The following EYA1 variants were observed in gnomAD, a reference collection of about 807,000 sequenced individuals.
The protein encoded by EYA1 is EYA transcriptional coactivator and phosphatase 1.
EYA1 carries 16 observed loss-of-function variants against 82.0 expected under a neutral mutation model. That is an observed-to-expected ratio of 0.20 (90% CI 0.13 to 0.30). EYA1 has a LOEUF of 0.30. EYA1 is among the 10% of genes least tolerant of loss of function. The probability of loss-of-function intolerance (pLI) is 1.00; values close to 1 mark genes in which losing one functional copy is unlikely to be tolerated. For missense variants in EYA1, 633 were observed against 730.7 expected, an observed-to-expected ratio of 0.87 and a Z score of 1.54; for synonymous variants, 261 against 264.4, an observed-to-expected ratio of 0.99 and a Z score of 0.12.
chr8:71,262,190 A>G (rs1345862495), intron 11 of EYA1, among the ~76,000 whole-genome samples: 4 of 152,242 alleles, frequency 2.6e-5, no homozygotes, highest in East Asian at 3.8e-4. Context: ...TCATTGGATA[A>G]TAAGTGTGAG....
intron 2 of EYA1, among the ~76,000 whole-genome samples, chr8:71,491,872 C>T (rs1811020416): frequency 6.6e-6 from 1 of 152,178 alleles, no homozygotes; most frequent in East Asian, 1.9e-4. Flanking sequence ...TGAATATAGC[C>T]AACACAATTA....
chr8:71,380,886 C>T (rs1285748216), intron 2 of EYA1, among the ~76,000 whole-genome samples: 1 of 152,256 alleles, frequency 6.6e-6, no homozygotes, highest in Non-Finnish European at 1.5e-5. Flanking sequence ...CCCTTTACCT[C>T]TCCTGTCCTC....
intron 2 of EYA1, among the ~76,000 whole-genome samples, chr8:71,483,570 C>A (rs980948300): frequency 3.6e-5 from 5 of 140,534 alleles, no homozygotes; most frequent in Admixed American, 2.1e-4. Flanking sequence ...AAAAAAAAAA[C>A]ACCACATTTT....
chr8:71,458,513 G>A (rs1434378940), intron 2 of EYA1, among the ~76,000 whole-genome samples: 1 of 151,846 alleles, frequency 6.6e-6, no homozygotes, highest in Non-Finnish European at 1.5e-5. Flanking sequence ...ACCAAGAACT[G>A]TTGAAAATAC....
intron 2 of EYA1, among the ~76,000 whole-genome samples, chr8:71,463,776 G>T (rs1808584174): frequency 6.6e-6 from 1 of 151,876 alleles, no homozygotes; most frequent in Non-Finnish European, 1.5e-5. Flanking sequence ...AGTTGTCACA[G>T]AACCGTTTCA....
chr8:71,258,808 G>A (rs942091896), intron 11 of EYA1, among the ~76,000 whole-genome samples: 2 of 152,178 alleles, frequency 1.3e-5, no homozygotes, highest in East Asian at 3.8e-4. Context: ...TGTGAAAACT[G>A]TTTTGAAGGC....
rs73684796 is a variant in EYA1 at position 71,392,830 on chromosome 8, G to A, written c.34-36319C>T. Among the ~76,000 whole-genome samples, 1,180 of 152,090 alleles carry A rather than the reference G, an allele frequency of 7.8e-3. 19 individuals carry two copies. The highest frequency in any genetic ancestry group is 0.027 in the African/African-American group (1,123 of 41,498). ...TAAATCATAAGATAATATTTTTAGTGAAATTCAAATCATTTTTTACAATAA... is the reference window on the plus strand; with the variant it reads ...TAAATCATAAGATAATATTTTTAGTAAAATTCAAATCATTTTTTACAATAA... On this transcript the variant is annotated intron_variant, in intron 2 of 18. Coordinates refer to the EYA1 transcript ENST00000643681.
chr8:71,199,548 C>A, intron 17 of EYA1, 128 bp from the exon 18 acceptor site: 2 of 704,234 alleles, frequency 2.8e-6, no homozygotes, highest in Non-Finnish European at 2.6e-6. Context: ...AACATCTTAA[C>A]ATCACATCTG....
intron 2 of EYA1, among the ~76,000 whole-genome samples, chr8:71,409,962 G>A (rs1038749868): frequency 1.4e-5 from 2 of 146,722 alleles, no homozygotes; most frequent in Non-Finnish European, 3.0e-5. Context: ...GAACATTGAT[G>A]CAAAAATCCT....
intron 2 of EYA1, among the ~76,000 whole-genome samples, chr8:71,517,750 T>C (rs1935720114): frequency 1.3e-5 from 2 of 149,050 alleles, no homozygotes; most frequent in African/African-American, 4.9e-5. Flanking sequence ...TATATAACTG[T>C]ATATTCTAAA....
intron 7 of EYA1, among the ~76,000 whole-genome samples, chr8:71,310,224 G>A (rs1821186929): frequency 6.8e-6 from 1 of 147,086 alleles, no homozygotes; most frequent in Non-Finnish European, 1.5e-5. Context: ...TTAAACATAC[G>A]ATGACAATAA....
Position 71,220,660 on chromosome 8 carries a change from T to A in EYA1, c.1141-3637A>T, listed in dbSNP as rs563839464. Reference sequence around the variant, plus strand: ...GCCTTGAAACTAACATTCTAGTTAGTCACAAACGAGAAAATATGTAAAATG... The same window carrying A: ...GCCTTGAAACTAACATTCTAGTTAGACACAAACGAGAAAATATGTAAAATG... On this transcript the variant is annotated intron_variant, in intron 12 of 17. Transcript: ENST00000340726. 1.6e-3 allele frequency among the ~76,000 whole-genome samples: 248 copies of A among 152,336 alleles called. 2 individuals are homozygous for A. Among genetic ancestry groups the A allele is most frequent in the African/African-American group, 5.7e-3 (235 of 41,568 alleles).
intron 2 of EYA1, among the ~76,000 whole-genome samples, chr8:71,373,591 C>T (rs1209749009): frequency 2.0e-5 from 3 of 152,156 alleles, no homozygotes; most frequent in Non-Finnish European, 4.4e-5. Context: ...CAATGTGATT[C>T]CTGTCAAAAT....
In EYA1 at chr8:71,379,073, C is replaced by T. The variant is rs140457999; in HGVS notation, c.34-22562G>A. ...ACCTACTACAGTAGAGAGAAGAATG[C>T]CTAGGTCTTCAGTGGGTACATGAAA... is the stretch of plus-strand genomic sequence containing the variant. On this transcript the variant is annotated intron_variant, in intron 2 of 18. Coordinates refer to the EYA1 transcript ENST00000643681. 4.1e-4 allele frequency among the ~76,000 whole-genome samples: 63 copies of T among 152,188 alleles called. No homozygotes were observed. In the East Asian group the frequency reaches 8.5e-3, roughly 21 times the overall value.
At chr8:71,408,745 G>C (rs530585198) in intron 2 of EYA1, among the ~76,000 whole-genome samples, 100 of 136,230 alleles carry the variant, frequency 7.3e-4, no homozygotes, top group African/African-American at 2.8e-3. Flanking sequence ...GACCTACAAA[G>C]AGACTTAGAC....
chr8:71,507,753 C>T (rs1220826520), intron 2 of EYA1, among the ~76,000 whole-genome samples: 1 of 152,074 alleles, frequency 6.6e-6, no homozygotes, highest in Non-Finnish European at 1.5e-5. Context: ...AAGATGCAAA[C>T]CAGTGGGTAT....
chr8:71,273,207 A>G (rs760123620), intron 9 of EYA1, among the ~76,000 whole-genome samples: 3 of 152,244 alleles, frequency 2.0e-5, no homozygotes, highest in Non-Finnish European at 4.4e-5. Context: ...GACTTCTTCT[A>G]TAACAAGATG....
At chr8:71,417,866 A>G (rs1196231273) in intron 2 of EYA1, among the ~76,000 whole-genome samples, 1 of 152,160 alleles carries the variant, frequency 6.6e-6, no homozygotes, top group South Asian at 2.1e-4. Context: ...TTAAATCACC[A>G]TCATAATTCC....
chr8:71,452,907 A>C (rs2129181573), intron 2 of EYA1, among the ~76,000 whole-genome samples: 1 of 152,358 alleles, frequency 6.6e-6, no homozygotes, highest in South Asian at 2.1e-4. Flanking sequence ...CAACGGAACA[A>C]AGCTGGATGG....
Sources: gnomAD v4.1 joint callset for allele counts (sites outside exome capture counted in the v4.1 genomes callset) on GRCh38, gnomAD v4.1.1 for gene constraint, MANE v1.5 for transcripts, NCBI Gene and HGNC (gene_info 2026-07-23, HGNC 2026-07-21) for gene names.